Variants in OXR1 observed in about 807,000 individuals in gnomAD.
OXR1 encodes the protein oxidation resistance protein 1.
OXR1 carries 41 observed loss-of-function variants against 104.6 expected under a neutral mutation model. The ratio of observed to expected loss-of-function variants is 0.39; its 90% CI spans 0.31 to 0.51. The LOEUF (loss-of-function observed/expected upper bound fraction) is 0.51. Among genes scored for constraint, OXR1 ranks in the 20% least tolerant of loss-of-function variants. OXR1 has a pLI of 0.77. For missense variants in OXR1, 955 were observed against 1,031.9 expected (o/e 0.93, Z 1.02); for synonymous variants, 348 against 348.4 (o/e 1.00, Z 0.01).
At chr8:106,740,539 G>T (rs1489488861) in intron 14 of OXR1, 44 bp downstream of exon 14, 2 of 1,472,812 alleles carry the variant, frequency 1.4e-6, no homozygotes, top group East Asian at 4.6e-5. Context: ...TTTAAGAGCA[G>T]TAACAGTAAC....
At chr8:106,421,172 T>A (rs182544532) in intron 2 of OXR1, among the ~76,000 whole-genome samples, 1 of 152,142 alleles carries the variant, frequency 6.6e-6, no homozygotes, top group Non-Finnish European at 1.5e-5. Flanking sequence ...CTTAGAATAC[T>A]TGGATTTGTG....
At chr8:106,704,435 C>G (rs957696143) in intron 8 of OXR1, among the ~76,000 whole-genome samples, 2 of 101,958 alleles carry the variant, frequency 2.0e-5, no homozygotes, top group African/African-American at 7.9e-5. Flanking sequence ...GAGATGGAGT[C>G]TCGCTCTATC....
intron 5 of OXR1, 106 bp from the exon 6 acceptor site, chr8:106,684,140 G>T: frequency 8.2e-6 from 5 of 609,446 alleles, no homozygotes; most frequent in South Asian, 2.4e-5. Flanking sequence ...AAATTTTTAT[G>T]TTTTTCTGTT....
At chr8:106,435,579 A>G (rs1819537218) in intron 2 of OXR1, among the ~76,000 whole-genome samples, 1 of 152,164 alleles carries the variant, frequency 6.6e-6, no homozygotes, top group Non-Finnish European at 1.5e-5. Flanking sequence ...ACTTCTGAAT[A>G]TGAATTTATG....
intron 2 of OXR1, among the ~76,000 whole-genome samples, chr8:106,400,464 A>C (rs1296981332): frequency 6.6e-6 from 1 of 152,204 alleles, no homozygotes; most frequent in Non-Finnish European, 1.5e-5. Context: ...TTTAGACTGG[A>C]AGATTCCCAG....
rs1587202919 is a variant in OXR1 at position 106,713,744 on chromosome 8, C to T, written c.1794-79C>T. The T allele has an allele frequency of 3.8e-6, 3 of 780,754 alleles. No homozygotes were observed. In the East Asian group the frequency reaches 9.0e-5, roughly 23 times the overall value. The allele number at this position is 780,754 out of a possible 1,614,324, so 48.4% of individuals were successfully genotyped here. On this transcript the variant is annotated intron_variant, in intron 10 of 16. Coordinates refer to ENST00000517566, the MANE Select transcript of OXR1 (RefSeq NM_001198533.2). ...TATATTTTAAGTCTTCAAGATTTAT[C>T]AAGATATTTTACAAATATAATTTTT... is the stretch of plus-strand genomic sequence containing the variant.
At chr8:106,508,243 T>C (rs1812295909) in intron 2 of OXR1, among the ~76,000 whole-genome samples, 1 of 152,244 alleles carries the variant, frequency 6.6e-6, no homozygotes, top group Non-Finnish European at 1.5e-5. Flanking sequence ...TCATGTTCTC[T>C]TCTGTAATAG....
At chr8:106,691,007 G>T (rs62517940) in intron 6 of OXR1, among the ~76,000 whole-genome samples, 3 of 151,876 alleles carry the variant, frequency 2.0e-5, no homozygotes, top group Non-Finnish European at 4.4e-5. Flanking sequence ...TGGACAGTTT[G>T]GAGTTGCTAA....
intron 7 of OXR1, among the ~76,000 whole-genome samples, chr8:106,701,872 A>G (rs1830608043): frequency 6.6e-6 from 1 of 152,236 alleles, no homozygotes; most frequent in South Asian, 2.1e-4. Flanking sequence ...TTCAATAAAT[A>G]TTCATGTTAG....
At chr8:106,739,336 T>C (rs1703331174) in intron 12 of OXR1, 122 bp from the exon 13 acceptor site, 1 of 835,792 alleles carries the variant, frequency 1.2e-6, no homozygotes, top group African/African-American at 1.7e-5. Context: ...CTATAAAATC[T>C]TAAGGTTAAA....
chr8:106,359,363 T>G (rs986324391), intron 1 of OXR1, 113 bp from the exon 2 acceptor site: 1 of 408,364 alleles, frequency 2.4e-6, no homozygotes, highest in Admixed American at 3.8e-5. Flanking sequence ...AAAGATCATA[T>G]TTTTTGTGTG....
chr8:106,638,004 A>C (rs1239991670), intron 3 of OXR1, among the ~76,000 whole-genome samples: 1 of 151,820 alleles, frequency 6.6e-6, no homozygotes, highest in Non-Finnish European at 1.5e-5. Context: ...TGACCTCGTG[A>C]TCCACCCGCC....
At chr8:106,738,593 GTTTCA>G (rs1378047956) in intron 12 of OXR1, among the ~76,000 whole-genome samples, 1 of 151,020 alleles carries the variant, frequency 6.6e-6, no homozygotes, top group Non-Finnish European at 1.5e-5. Context: ...GTTTCATAAT[GTTTCA>G]TTTCTTTTAT....
At chr8:106,548,292 T>C (rs1472505514) in intron 3 of OXR1, among the ~76,000 whole-genome samples, 2 of 152,200 alleles carry the variant, frequency 1.3e-5, no homozygotes, top group Admixed American at 1.3e-4. Flanking sequence ...GGATTTACTC[T>C]AGGTTAAACG....
chr8:106,392,233 C>T (rs1817612075), intron 2 of OXR1, among the ~76,000 whole-genome samples: 1 of 152,274 alleles, frequency 6.6e-6, no homozygotes, highest in South Asian at 2.1e-4. Flanking sequence ...ATCCTCACCC[C>T]ACATATGTGT....
chr8:106,482,605 A>T (rs1822200251), intron 2 of OXR1, among the ~76,000 whole-genome samples: 1 of 152,064 alleles, frequency 6.6e-6, no homozygotes, highest in Admixed American at 6.6e-5. Flanking sequence ...AATAAATATG[A>T]TGTAATTAAT....
chr8:106,649,216 C>T (rs1453216827), intron 3 of OXR1, among the ~76,000 whole-genome samples: 1 of 151,580 alleles, frequency 6.6e-6, no homozygotes, highest in Non-Finnish European at 1.5e-5. Context: ...AACAAGAAAA[C>T]AACAACAACA....
chr8:106,513,945 G>C (rs1161946616), intron 2 of OXR1, among the ~76,000 whole-genome samples: 1 of 152,104 alleles, frequency 6.6e-6, no homozygotes, highest in Admixed American at 6.6e-5. Flanking sequence ...AGAGGAATAA[G>C]ATTGTTCTTT....
intron 11 of OXR1, among the ~76,000 whole-genome samples, chr8:106,724,118 A>T (rs1563748273): frequency 6.6e-6 from 1 of 152,210 alleles, no homozygotes; most frequent in African/African-American, 2.4e-5. Context: ...TATATATTAT[A>T]GCTTCTATCA....
Sources: gnomAD v4.1 joint callset for allele counts (sites outside exome capture counted in the v4.1 genomes callset) on GRCh38, gnomAD v4.1.1 for gene constraint, MANE v1.5 for transcripts, NCBI Gene and HGNC (gene_info 2026-07-23, HGNC 2026-07-21) for gene names.